Variants in SOBP observed in about 807,000 individuals in gnomAD.
The protein encoded by SOBP is sine oculis binding protein homolog.
In SOBP, 4 loss-of-function variants were observed where a neutral mutation model predicts 53.6. The observed-to-expected ratio is 0.07, with a 90% CI of 0.04 to 0.17. SOBP has a LOEUF of 0.17. Ranked by LOEUF, SOBP falls within the 10% of genes least tolerant of loss-of-function variation. The pLI is 1.00. For missense variants in SOBP, 1,088 were observed against 1,204.7 expected (o/e 0.90, Z 1.43); for synonymous variants, 584 against 522.6 (o/e 1.12, Z -1.60).
chr6:107,565,434 T>G (rs761934721), intron 4 of SOBP, among the ~76,000 whole-genome samples: 9 of 147,514 alleles, frequency 6.1e-5, no homozygotes, highest in Admixed American at 1.4e-4. Flanking sequence ...TGGAATCCAG[T>G]ACAAGGCAGG....
At chr6:107,540,702 T>G (rs1194999055) in intron 4 of SOBP, among the ~76,000 whole-genome samples, 1 of 152,204 alleles carries the variant, frequency 6.6e-6, no homozygotes, top group African/African-American at 2.4e-5. Flanking sequence ...ACTCCTGTAG[T>G]CTTTAACAAA....
At chr6:107,563,998 G>T (rs2115028892) in intron 4 of SOBP, among the ~76,000 whole-genome samples, 1 of 152,314 alleles carries the variant, frequency 6.6e-6, no homozygotes, top group East Asian at 1.9e-4. Flanking sequence ...TCTACTTAGT[G>T]ATGGAGACGG....
intron 4 of SOBP, among the ~76,000 whole-genome samples, chr6:107,554,394 C>T (rs953859575): frequency 2.0e-5 from 3 of 152,128 alleles, no homozygotes; most frequent in East Asian, 1.9e-4. Flanking sequence ...AAGCTCTAGT[C>T]GTGGTAAGAT....
intron 3 of SOBP, among the ~76,000 whole-genome samples, chr6:107,523,068 G>A (rs544680779): frequency 1.3e-5 from 2 of 152,306 alleles, no homozygotes; most frequent in Admixed American, 1.3e-4. Context: ...TGTCTGGGAG[G>A]CAGTTGGACA....
intron 5 of SOBP, among the ~76,000 whole-genome samples, chr6:107,601,016 C>T (rs1490772527): frequency 1.3e-5 from 2 of 152,142 alleles, no homozygotes; most frequent in Admixed American, 1.3e-4. Context: ...TGAATAGACA[C>T]TCAAGAAATA....
chr6:107,524,841 C>G (rs978543766), intron 3 of SOBP, among the ~76,000 whole-genome samples: 1 of 152,198 alleles, frequency 6.6e-6, no homozygotes, highest in Non-Finnish European at 1.5e-5. Context: ...TGGAGCAGCA[C>G]GTTCCAGGAG....
At chr6:107,493,815 G>A (rs535955853) in intron 1 of SOBP, among the ~76,000 whole-genome samples, 1 of 152,232 alleles carries the variant, frequency 6.6e-6, no homozygotes, top group African/African-American at 2.4e-5. Context: ...AGGTTTAGCT[G>A]ACACCAGTAA....
At chr6:107,656,190 C>G (rs1412909598) in intron 6 of SOBP, among the ~76,000 whole-genome samples, 1 of 152,106 alleles carries the variant, frequency 6.6e-6, no homozygotes, top group Non-Finnish European at 1.5e-5. Flanking sequence ...ATCTCTGCAG[C>G]TCCTCAATTT....
At chr6:107,517,183 CAG>C (rs1342538633) in intron 3 of SOBP, among the ~76,000 whole-genome samples, 2 of 152,178 alleles carry the variant, frequency 1.3e-5, no homozygotes, top group African/African-American at 4.8e-5. Flanking sequence ...ACAATTATAA[CAG>C]AGTCCAGAAA....
intron 3 of SOBP, among the ~76,000 whole-genome samples, chr6:107,516,879 A>G (rs1783336237): frequency 6.6e-6 from 1 of 152,196 alleles, no homozygotes; most frequent in Non-Finnish European, 1.5e-5. Flanking sequence ...ACCTAAATCA[A>G]TAGAGGGACA....
At chr6:107,520,068 A>G (rs1783436267) in intron 3 of SOBP, among the ~76,000 whole-genome samples, 1 of 152,232 alleles carries the variant, frequency 6.6e-6, no homozygotes, top group Non-Finnish European at 1.5e-5. Context: ...AAAGGGCACC[A>G]GATTCTCAGT....
chr6:107,512,870 G>A (rs1783211272), intron 3 of SOBP, among the ~76,000 whole-genome samples: 2 of 152,152 alleles, frequency 1.3e-5, no homozygotes, highest in Non-Finnish European at 2.9e-5. Flanking sequence ...TTTTAGATCT[G>A]AGTCTTTTGA....
At chr6:107,649,358 G>T (rs560022433) in intron 6 of SOBP, among the ~76,000 whole-genome samples, 1 of 151,662 alleles carries the variant, frequency 6.6e-6, no homozygotes, top group Non-Finnish European at 1.5e-5. Context: ...GGTGGTACAT[G>T]CCTGTGGTCC....
chr6:107,591,599 G>A (rs1420724170), intron 5 of SOBP, among the ~76,000 whole-genome samples: 1 of 152,150 alleles, frequency 6.6e-6, no homozygotes, highest in Non-Finnish European at 1.5e-5. Flanking sequence ...ACTGCACCCA[G>A]GTTAGTATAT....
At chr6:107,650,434 C>T (rs1364239316) in intron 6 of SOBP, among the ~76,000 whole-genome samples, 1 of 152,192 alleles carries the variant, frequency 6.6e-6, no homozygotes, top group Non-Finnish European at 1.5e-5. Flanking sequence ...TTTGTGGCAA[C>T]CCTGTCAAGT....
intron 5 of SOBP, 129 bp downstream of exon 5, chr6:107,587,304 C>A: frequency 1.3e-6 from 1 of 751,436 alleles, no homozygotes; most frequent in African/African-American, 1.7e-5. Flanking sequence ...GTTCTAAATG[C>A]TAATTCTGAT....
intron 5 of SOBP, among the ~76,000 whole-genome samples, chr6:107,597,271 T>C (rs779928487): frequency 1.4e-4 from 21 of 152,226 alleles, no homozygotes; most frequent in Non-Finnish European, 2.5e-4. Flanking sequence ...TTTCAATCAG[T>C]GATGCTTTTA....
intron 3 of SOBP, chr6:107,529,505 C>T (rs1783758790): frequency 1.0e-6 from 1 of 985,250 alleles, no homozygotes; most frequent in Admixed American, 6.1e-5. Context: ...TTCGGAATTT[C>T]CCCTCAGTCT....
chr6:107,501,261 G>A (rs1403970672), intron 1 of SOBP, among the ~76,000 whole-genome samples: 1 of 152,198 alleles, frequency 6.6e-6, no homozygotes, highest in Non-Finnish European at 1.5e-5. Context: ...TGAGGTTTCA[G>A]TTTTTACCCA....
Sources: gnomAD v4.1 joint callset for allele counts (sites outside exome capture counted in the v4.1 genomes callset) on GRCh38, gnomAD v4.1.1 for gene constraint, MANE v1.5 for transcripts, NCBI Gene and HGNC (gene_info 2026-07-23, HGNC 2026-07-21) for gene names.